The following KDM4B variants were observed in gnomAD, a reference collection of about 807,000 sequenced individuals.
KDM4B encodes lysine demethylase 4B.
In KDM4B, 32 loss-of-function variants were observed where a neutral mutation model predicts 125.2. The observed-to-expected ratio is 0.26, with a 90% CI of 0.19 to 0.34. The LOEUF (loss-of-function observed/expected upper bound fraction) is 0.34, where lower values mean the gene tolerates loss of function less well. Ranked by LOEUF, KDM4B falls within the 10% of genes least tolerant of loss-of-function variation. The pLI is 1.00. For synonymous variants in KDM4B, 721 were observed against 677.9 expected (o/e 1.06, Z -0.99); for missense variants, 1,190 against 1,577.7 (o/e 0.75, Z 4.16).
chr19:5,137,587 G>A, intron 16 of KDM4B, 34 bp from the exon 17 acceptor site: 3 of 1,592,654 alleles, frequency 1.9e-6, no homozygotes. Context: ...CCTGCTCCGA[G>A]CCCTGCTCAT....
intron 11 of KDM4B, among the ~76,000 whole-genome samples, chr19:5,125,640 G>A (rs1053624204): frequency 2.0e-5 from 3 of 152,190 alleles, no homozygotes; most frequent in Non-Finnish European, 1.5e-5. Context: ...GCATCTCTGA[G>A]GCCTGTGGCT....
At position 5,131,161 on chromosome 19, in the gene KDM4B, G is replaced by C; in HGVS notation, c.1401G>C (p.Pro467=). The C allele has an allele frequency of 3.2e-6, 5 of 1,568,724 alleles. No individual in the cohort carries two copies. The highest frequency in any genetic ancestry group is 3.5e-6 in the Non-Finnish European group (4 of 1,156,156). Residue 467 remains proline (P), a synonymous_variant, in exon 12 of 23, where the codon CCG becomes CCC. Coordinates refer to ENST00000159111, the MANE Select transcript of KDM4B (RefSeq NM_015015.3). ...KSFGLLPPQL[P]PPPAHFPSEE... is the part of the protein sequence containing the mutation. ...TCGGCCTGCTGCCCCCACAGCTGCC[G>C]CCCCCGCCTGCTCACTTCCCCTCAG...
In KDM4B at chr19:5,153,163, G is replaced by C. The variant is rs923389077; in HGVS notation, c.*1652G>C. Reference sequence around the variant, plus strand: ...GCAGGAGCAAGCCTTTCATTTCCTTGGTGGGGGAGGGGGGCGGTTGCCCTG... The same window carrying C: ...GCAGGAGCAAGCCTTTCATTTCCTTCGTGGGGGAGGGGGGCGGTTGCCCTG... On this transcript the variant is annotated 3_prime_UTR_variant, in exon 23 of 23. Transcript: ENST00000159111. The C allele has an allele frequency of 6.6e-6, 1 of 152,068 alleles. No individual in the cohort carries two copies. Among genetic ancestry groups the C allele is most frequent in the Non-Finnish European group, 1.5e-5 (1 of 68,032 alleles). The allele number at this position is 152,068 out of a possible 1,614,324, so 9.4% of individuals were successfully genotyped here. A position where few individuals can be genotyped will look rare whatever the true frequency, so the allele number is the denominator to read the frequency against.
intron 6 of KDM4B, among the ~76,000 whole-genome samples, chr19:5,057,936 TGTG>T (rs1468091255): frequency 6.6e-6 from 1 of 152,228 alleles, no homozygotes; most frequent in Admixed American, 6.5e-5. Flanking sequence ...GGCCAGCATG[TGTG>T]GTGTCCAAGG....
intron 6 of KDM4B, among the ~76,000 whole-genome samples, chr19:5,065,404 T>C (rs1206801866): frequency 6.6e-6 from 1 of 152,270 alleles, no homozygotes; most frequent in Non-Finnish European, 1.5e-5. Flanking sequence ...TTATTTTCAT[T>C]GTTCTTGATA....
chr19:5,091,097 T>C lies in KDM4B; in HGVS notation c.918+8593T>C, dbSNP rs1035100666. 3.3e-5 allele frequency among the ~76,000 whole-genome samples: 5 copies of C among 152,352 alleles called. No individual in the cohort carries two copies. The East Asian group carries it at 9.7e-4, about 29-fold the overall frequency. Reference sequence around the variant, plus strand: ...GTGCACGCAGCCGCCTTTCTCACGCTGAACTCAAGTTAGTCCTACAAGCCT... The same window carrying C: ...GTGCACGCAGCCGCCTTTCTCACGCCGAACTCAAGTTAGTCCTACAAGCCT... On this transcript the variant is annotated intron_variant, in intron 9 of 22. Transcript: ENST00000159111.
intron 4 of KDM4B, among the ~76,000 whole-genome samples, 171 bp from the exon 5 acceptor site, chr19:5,040,966 C>G (rs778000788): frequency 7.9e-5 from 12 of 152,322 alleles, no homozygotes; most frequent in Admixed American, 4.6e-4. Flanking sequence ...CGTGGAAGTG[C>G]GCTGTCCCAC....
Position 5,121,481 on chromosome 19 carries a change from G to A in KDM4B, c.1315+1629G>A, listed in dbSNP as rs574629614. Among the ~76,000 whole-genome samples the A allele has an allele frequency of 4.6e-5, 7 of 152,278 alleles. No homozygotes were observed. In the South Asian group the frequency reaches 8.3e-4, roughly 18 times the overall value. The stretch of plus-strand genomic sequence containing the variant: ...TCTACAGGCAGCCGCCTGGTGACTC[G>A]GGGATCGAGCGGAGCTGCCAGAGAT... On this transcript the variant is annotated intron_variant, in intron 11 of 22. Transcript: ENST00000159111.
chr19:5,133,928 C>T lies in KDM4B; in HGVS notation c.1952C>T (p.Ala651Val). Residue 651 changes from alanine (A) to valine (V), a missense_variant, in exon 14 of 23, where the codon GCC becomes GTC. Ala to Val is a moderately conservative substitution (Grantham distance 64). Transcript: ENST00000159111. ...SGEEDVSDPD[A>V]LRPLLSLQWK... Reference sequence around the variant, plus strand: ...GAGGAAGATGTGAGTGACCCGGACGCCTTGAGGCCGCTGCTGTCTCTGCAG... The same window carrying T: ...GAGGAAGATGTGAGTGACCCGGACGTCTTGAGGCCGCTGCTGTCTCTGCAG... 6.2e-7 allele frequency: 1 copy of T among 1,613,152 alleles called. No homozygotes were observed.
chr19:5,096,018 T>C lies in KDM4B; in HGVS notation c.918+13514T>C, dbSNP rs1043526857. 6.9e-4 allele frequency among the ~76,000 whole-genome samples: 104 copies of C among 151,530 alleles called. 1 individual carries two copies. Among genetic ancestry groups the C allele is most frequent in the Non-Finnish European group, 8.8e-5 (6 of 67,926 alleles). On this transcript the variant is annotated intron_variant, in intron 9 of 22. Transcript: ENST00000159111. ...ACAGGGAGCTTGTTTTAGGAGGAGG[T>C]CCTTGTGTTATGGAAATGTAGGCCA...
intron 1 of KDM4B, among the ~76,000 whole-genome samples, chr19:4,987,520 A>G (rs1422765174): frequency 6.6e-6 from 1 of 151,608 alleles, no homozygotes; most frequent in Non-Finnish European, 1.5e-5. Flanking sequence ...CTGGTTGGGG[A>G]GGAGTTTGCG....
rs182683479 is a variant in KDM4B, at chr19:4,976,139, G to T, written c.-109+6909G>T. On this transcript the variant is annotated intron_variant, in intron 1 of 22. Coordinates refer to ENST00000159111, the MANE Select transcript of KDM4B (RefSeq NM_015015.3). ...TGGTGTATGCCTGTAATCCCAGCTT[G>T]TTGGGAGGCTGAGGCAGGAGAATCG... Among the ~76,000 whole-genome samples the T allele has an allele frequency of 6.5e-3, 971 of 149,332 alleles. 8 individuals carry two copies. The highest frequency in any genetic ancestry group is 0.023 in the African/African-American group (930 of 40,444).
chr19:5,063,984 C>G (rs2037686904), intron 6 of KDM4B, among the ~76,000 whole-genome samples: 1 of 152,222 alleles, frequency 6.6e-6, no homozygotes, highest in African/African-American at 2.4e-5. Context: ...TCTGTTGGGT[C>G]TCGCAGGAAG....
intron 9 of KDM4B, among the ~76,000 whole-genome samples, chr19:5,099,439 G>A (rs1455156535): frequency 6.6e-6 from 1 of 152,184 alleles, no homozygotes; most frequent in Admixed American, 6.5e-5. Context: ...AACCTCAAGG[G>A]CCATTTGACC....
chr19:5,033,151 C>A, intron 3 of KDM4B, 120 bp downstream of exon 3: 1 of 1,159,894 alleles, frequency 8.6e-7, no homozygotes, highest in Non-Finnish European at 1.2e-6. Flanking sequence ...GAATGTGTTT[C>A]GGGGCCACTC....
At position 5,109,518 on chromosome 19, in the gene KDM4B, G is replaced by A. The variant is rs538334364; in HGVS notation, c.919-1104G>A. Among the ~76,000 whole-genome samples the A allele has an allele frequency of 3.9e-5, 6 of 152,298 alleles. No homozygotes were observed. In the East Asian group the frequency reaches 5.8e-4, roughly 15 times the overall value. Reference sequence around the variant, plus strand: ...CGGCAGGTCTGCCCGGCAGGCAGCTGGAGGGGACTTCAACTCATCCTTGCC... The same window carrying A: ...CGGCAGGTCTGCCCGGCAGGCAGCTAGAGGGGACTTCAACTCATCCTTGCC... On this transcript the variant is annotated intron_variant, in intron 9 of 22. Transcript: ENST00000159111.
At chr19:5,048,517 T>G (rs2037109115) in intron 6 of KDM4B, among the ~76,000 whole-genome samples, 1 of 147,472 alleles carries the variant, frequency 6.8e-6, no homozygotes, top group African/African-American at 2.5e-5. Flanking sequence ...GTCCTCGCGC[T>G]GGAGGAGGAC....
At chr19:5,121,410 CTGT>C (rs374105710) in intron 11 of KDM4B, among the ~76,000 whole-genome samples, 83 of 152,314 alleles carry the variant, frequency 5.4e-4, no homozygotes, top group African/African-American at 1.9e-3. Flanking sequence ...TGTCGTGGCA[CTGT>C]TATTATGTAG....
chr19:5,025,139 C>T (rs921027487), intron 2 of KDM4B, among the ~76,000 whole-genome samples: 3 of 152,278 alleles, frequency 2.0e-5, no homozygotes, highest in Non-Finnish European at 2.9e-5. Flanking sequence ...GGTTAAGCGG[C>T]TTTCATGGTA....
Sources: gnomAD v4.1 joint callset for allele counts (sites outside exome capture counted in the v4.1 genomes callset) on GRCh38, gnomAD v4.1.1 for gene constraint, MANE v1.5 for transcripts, NCBI Gene and HGNC (gene_info 2026-07-23, HGNC 2026-07-21) for gene names.